The following FREM1 variants were observed in gnomAD, a reference collection of about 807,000 sequenced individuals.
FREM1 encodes the protein FRAS1 related extracellular matrix 1.
In FREM1, 220 loss-of-function variants were observed where a neutral mutation model predicts 210.1. The ratio of observed to expected loss-of-function variants is 1.05; its 90% CI spans 0.94 to 1.17. The LOEUF is 1.17. Among genes scored for constraint, FREM1 ranks in the 50% most tolerant of loss-of-function variants. The pLI is 0.00. For synonymous variants in FREM1, 1,189 were observed against 980.2 expected (o/e 1.21, Z -3.98); for missense variants, 3,454 against 2,675.5 (o/e 1.29, Z -6.42).
chr9:14,750,954 T>C (rs946191784), intron 29 of FREM1, among the ~76,000 whole-genome samples: 1 of 152,192 alleles, frequency 6.6e-6, no homozygotes, highest in African/African-American at 2.4e-5. Context: ...GTGAACTTAA[T>C]ATTATACAAA....
Position 14,857,614 on chromosome 9 carries a change from T to C in FREM1, c.767A>G (p.Asn256Ser), listed in dbSNP as rs181574722. The change falls in exon 5 of 37, where the codon AAC (asparagine) becomes AGC (serine). Residue 256 changes from asparagine to serine, a missense_variant. By Grantham distance (46) the Asn-to-Ser change is conservative. Coordinates refer to ENST00000380880, the MANE Select transcript of FREM1 (RefSeq NM_001379081.2). Reference sequence around the variant, plus strand: ...CAGTTGGATGGAGATATAATCAATGTTGGGTGAAGGGGGATCCAGATGCTG... The same window carrying C: ...CAGTTGGATGGAGATATAATCAATGCTGGGTGAAGGGGGATCCAGATGCTG... ...RYQHLDPPSPNIDYISIQLDL... is the reference protein window; with the variant it reads ...RYQHLDPPSPSIDYISIQLDL... 1.2e-6 allele frequency: 2 copies of C among 1,613,732 alleles called. No individual in the cohort carries two copies. The highest frequency in any genetic ancestry group is 1.3e-5 in the African/African-American group (1 of 74,866).
intron 1 of FREM1, among the ~76,000 whole-genome samples, chr9:14,907,937 C>A (rs1588699158): frequency 6.6e-6 from 1 of 152,184 alleles, no homozygotes; most frequent in East Asian, 1.9e-4. Flanking sequence ...TGGTTAGCAA[C>A]AACTAAGATT....
Position 14,882,912 on chromosome 9 carries a change from C to CAA in FREM1, c.-267-13670_-267-13669dup, listed in dbSNP as rs71323913. Among the ~76,000 whole-genome samples, 47 of 45,418 alleles carry CAA rather than the reference C, an allele frequency of 1.0e-3. 3 individuals carry two copies. Among genetic ancestry groups the CAA allele is most frequent in the East Asian group, 1.5e-3 (2 of 1,344 alleles). The allele number at this position is 45,418 out of a possible 152,430, so 29.8% of individuals were successfully genotyped here. On this transcript the variant is annotated intron_variant, in intron 1 of 36. Transcript: ENST00000380880. ...AGGGCAGCAGAGCGAGACTCCATCT[C>CAA]AAAAAAAAAAAAAAAAGGAATCACC...
chr9:14,872,072 C>T (rs974906489), intron 1 of FREM1, among the ~76,000 whole-genome samples: 8 of 152,082 alleles, frequency 5.3e-5, no homozygotes, highest in African/African-American at 7.2e-5. Flanking sequence ...TTACTGTAGC[C>T]TTGTTGTATA....
chr9:14,816,357 G>A (rs1290999702), intron 15 of FREM1, among the ~76,000 whole-genome samples: 3 of 152,098 alleles, frequency 2.0e-5, no homozygotes, highest in Admixed American at 6.5e-5. Context: ...TTTGGAGGCC[G>A]TAGGTTTCAA....
At position 14,776,133 on chromosome 9, in the gene FREM1, C is replaced by G. The variant is rs1848528812; in HGVS notation, c.4513G>C (p.Ala1505Pro). The change falls in exon 25 of 37, where the codon GCC becomes CCC. Residue 1505 changes from alanine to proline, a missense_variant. Ala to Pro is a conservative substitution (Grantham distance 27, BLOSUM62 -1). Transcript: ENST00000380880. Reference sequence around the variant, plus strand: ...TTGTTCCTGGTTACCACAGGCAGGGCTCTGTCCACAGTCTCCAGTGTGATC... The same window carrying G: ...TTGTTCCTGGTTACCACAGGCAGGGGTCTGTCCACAGTCTCCAGTGTGATC... ...FEITLETVDR[A>P]LPVVTRNKGL... is the part of the protein sequence containing the mutation. 2 of 1,585,756 alleles carry G rather than the reference C, an allele frequency of 1.3e-6. No homozygotes were observed. The highest frequency in any genetic ancestry group is 8.6e-7 in the Non-Finnish European group (1 of 1,164,946).
intron 6 of FREM1, chr9:14,850,604 C>T (rs567588207): frequency 6.6e-6 from 1 of 152,120 alleles, no homozygotes; most frequent in Non-Finnish European, 1.5e-5. Context: ...GAAAAAATAG[C>T]TAATGCATGC....
intron 1 of FREM1, among the ~76,000 whole-genome samples, chr9:14,899,126 G>C (rs1838308910): frequency 6.6e-6 from 1 of 152,168 alleles, no homozygotes. Flanking sequence ...AAATCACAGA[G>C]AGTTTTTGTT....
intron 13 of FREM1, 103 bp downstream of exon 13, chr9:14,823,057 G>A (rs1241748600): frequency 4.8e-6 from 4 of 835,676 alleles, no homozygotes; most frequent in African/African-American, 1.7e-5. Context: ...TCTTTTATAA[G>A]TTTAAAAAAC....
rs776689774 is a variant in FREM1, at chr9:14,842,457, C to A, written c.1597G>T (p.Glu533Ter). 1.2e-6 allele frequency: 2 copies of A among 1,614,012 alleles called. No individual in the cohort carries two copies. Among genetic ancestry groups the A allele is most frequent in the East Asian group, 4.5e-5 (2 of 44,884 alleles). The change falls in exon 9 of 37, where the codon GAG becomes TAG. Residue 533 changes from glutamate to a stop codon, truncating the protein, a stop_gained. Transcript: ENST00000380880. LOFTEE classifies it high-confidence loss of function. ...TGGATCAGGATGGTCTGCCCCTCCT[C>A]CAGTTCAATCACAACATTGGTTATG... is the stretch of plus-strand genomic sequence containing the variant. ...FLITNVVIEL[E>*]EGQTILIQGS...
intron 1 of FREM1, among the ~76,000 whole-genome samples, chr9:14,870,207 T>A (rs1200557002): frequency 6.6e-6 from 1 of 152,214 alleles, no homozygotes; most frequent in African/African-American, 2.4e-5. Flanking sequence ...TGTCAGAAGG[T>A]TGTAGAAGAA....
intron 10 of FREM1, among the ~76,000 whole-genome samples, chr9:14,827,408 G>C (rs542466585): frequency 1.3e-5 from 2 of 152,196 alleles, no homozygotes; most frequent in African/African-American, 2.4e-5. Flanking sequence ...GGTAGGATGC[G>C]TGGTGGAAGA....
At chr9:14,784,281 T>C in intron 24 of FREM1, 89 bp downstream of exon 24, 2 of 1,147,556 alleles carry the variant, frequency 1.7e-6, no homozygotes, top group South Asian at 1.9e-5. Context: ...TTTTGTGAAA[T>C]GGTTACTATA....
intron 10 of FREM1, among the ~76,000 whole-genome samples, chr9:14,828,946 G>A (rs2642414): frequency 6.6e-6 from 1 of 152,034 alleles, no homozygotes; most frequent in Non-Finnish European, 1.5e-5. Flanking sequence ...CCTTAAACAA[G>A]TTACTTAACC....
intron 24 of FREM1, among the ~76,000 whole-genome samples, chr9:14,779,083 T>C (rs1849227913): frequency 6.6e-6 from 1 of 151,942 alleles, no homozygotes; most frequent in Admixed American, 6.5e-5. Flanking sequence ...TTTTTCATAT[T>C]CCCCCCAGAT....
intron 27 of FREM1, among the ~76,000 whole-genome samples, chr9:14,766,199 A>T (rs1294182625): frequency 1.3e-5 from 2 of 152,190 alleles, no homozygotes; most frequent in African/African-American, 4.8e-5. Context: ...ATAAAATTAG[A>T]CAACTCATGA....
At chr9:14,871,916 A>C (rs1832752677) in intron 1 of FREM1, among the ~76,000 whole-genome samples, 1 of 152,220 alleles carries the variant, frequency 6.6e-6, no homozygotes, top group Admixed American at 6.5e-5. Context: ...TTCATTAAAT[A>C]GGGAATCCTT....
intron 1 of FREM1, among the ~76,000 whole-genome samples, chr9:14,883,079 C>G (rs903887783): frequency 6.6e-6 from 1 of 151,742 alleles, no homozygotes; most frequent in African/African-American, 2.4e-5. Context: ...TCAGGAAAAA[C>G]AGAGTAGAAG....
At chr9:14,757,262 G>C (rs1294667265) in intron 28 of FREM1, among the ~76,000 whole-genome samples, 1 of 152,186 alleles carries the variant, frequency 6.6e-6, no homozygotes, top group Non-Finnish European at 1.5e-5. Context: ...CACATGTTAA[G>C]AAGTGTCCTT....
Sources: gnomAD v4.1 joint callset for allele counts (sites outside exome capture counted in the v4.1 genomes callset) on GRCh38, gnomAD v4.1.1 for gene constraint, MANE v1.5 for transcripts, NCBI Gene and HGNC (gene_info 2026-07-23, HGNC 2026-07-21) for gene names.